COG5: variants seen among roughly 807,000 people sequenced by gnomAD.
COG5 encodes component of oligomeric golgi complex 5.
In COG5, 86 loss-of-function variants were observed where a neutral mutation model predicts 110.4. The observed-to-expected ratio is 0.78, with a 90% confidence interval of 0.65 to 0.93. The LOEUF is 0.93. COG5 is among the 40% of genes least tolerant of loss of function. COG5 has a pLI of 0.00. For synonymous variants in COG5, 360 were observed against 334.6 expected, an observed-to-expected ratio of 1.08 and a Z score of -0.83; for missense variants, 1,077 against 987.0, an observed-to-expected ratio of 1.09 and a Z score of -1.22.
At chr7:107,527,087 G>A in intron 6 of COG5, 150 bp downstream of exon 6, 2 of 601,540 alleles carry the variant, frequency 3.3e-6, no homozygotes, top group East Asian at 3.0e-5. Context: ...TACTCATTCT[G>A]AGAAGTGTTA....
At chr7:107,557,861 T>C (rs936340984) in intron 2 of COG5, 115 bp downstream of exon 2, 60 of 1,316,110 alleles carry the variant, frequency 4.6e-5, no homozygotes, top group Middle Eastern at 2.2e-4. Flanking sequence ...TAAGTCACAC[T>C]GGTAAGTATG....
intron 10 of COG5, among the ~76,000 whole-genome samples, chr7:107,360,178 A>C (rs1812987677): frequency 6.6e-6 from 1 of 152,214 alleles, no homozygotes; most frequent in South Asian, 2.1e-4. Context: ...AGGGCTGCAC[A>C]GACATCAGGA....
chr7:107,409,188 G>A (rs1584785356), intron 7 of COG5, among the ~76,000 whole-genome samples: 1 of 106,882 alleles, frequency 9.4e-6, no homozygotes, highest in Admixed American at 1.1e-4. Context: ...GAAGTAAGCA[G>A]AAATTGTTAC....
At chr7:107,460,429 C>G (rs1339081998) in intron 6 of COG5, among the ~76,000 whole-genome samples, 2 of 151,816 alleles carry the variant, frequency 1.3e-5, no homozygotes, top group African/African-American at 4.8e-5. Flanking sequence ...TGAAATAACC[C>G]AAGTAACAGC....
At chr7:107,246,897 C>A (rs946854322) in intron 17 of COG5, among the ~76,000 whole-genome samples, 4 of 152,140 alleles carry the variant, frequency 2.6e-5, no homozygotes, top group African/African-American at 9.7e-5. Flanking sequence ...ATAAATCATT[C>A]TACCATAAAA....
Position 107,236,555 on chromosome 7 carries a change from A to T in COG5, c.1986T>A (p.Thr662=). Residue 662 remains threonine (T), a synonymous_variant, in exon 18 of 22, where the codon ACT becomes ACA. Transcript: ENST00000297135. ...CAACAGCTCTTTGGGCAATAGCCTC[A>T]GTGTTGTCAAAGACAAAATCCAAGC... ...FECLDFVFDN[T]EAIAQRAVEL... 6.2e-7 allele frequency: 1 copy of T among 1,614,162 alleles called. No homozygotes were observed. Among genetic ancestry groups the T allele is most frequent in the Non-Finnish European group, 8.5e-7 (1 of 1,179,994 alleles).
chr7:107,436,770 T>G (rs2129083617), intron 6 of COG5, among the ~76,000 whole-genome samples: 1 of 152,322 alleles, frequency 6.6e-6, no homozygotes, highest in South Asian at 2.1e-4. Flanking sequence ...ATAAAAATTC[T>G]AAAGCAATAG....
intron 11 of COG5, among the ~76,000 whole-genome samples, chr7:107,320,267 T>A (rs1050186417): frequency 3.3e-5 from 5 of 152,202 alleles, no homozygotes; most frequent in African/African-American, 4.8e-5. Flanking sequence ...TTTTAAATAT[T>A]TTTAAAGTGT....
intron 7 of COG5, among the ~76,000 whole-genome samples, chr7:107,409,230 G>GAAAAAAAAAAAAAA (rs11366303): frequency 9.5e-6 from 1 of 104,992 alleles, no homozygotes; most frequent in East Asian, 2.7e-4. Context: ...CAACGTCAAG[G>GAAAAAAAAAAAAAA]AAAAAAAAAA....
chr7:107,364,811 C>G (rs1437511407), intron 8 of COG5, among the ~76,000 whole-genome samples: 3 of 152,006 alleles, frequency 2.0e-5, no homozygotes, highest in Non-Finnish European at 2.9e-5. Flanking sequence ...TAGTAGCAAG[C>G]AATAAAATAA....
chr7:107,279,314 T>C (rs546065636), intron 14 of COG5, among the ~76,000 whole-genome samples: 1 of 152,192 alleles, frequency 6.6e-6, no homozygotes, highest in Non-Finnish European at 1.5e-5. Context: ...CTTAATCTTG[T>C]GGACTGGAAG....
intron 11 of COG5, among the ~76,000 whole-genome samples, chr7:107,315,196 T>C (rs1024059010): frequency 3.3e-5 from 5 of 152,072 alleles, no homozygotes; most frequent in Non-Finnish European, 5.9e-5. Context: ...TCTCATATAG[T>C]TTGTTTTATC....
At chr7:107,430,844 A>G (rs957260212) in intron 6 of COG5, among the ~76,000 whole-genome samples, 1 of 152,184 alleles carries the variant, frequency 6.6e-6, no homozygotes, top group Non-Finnish European at 1.5e-5. Context: ...GTTATCCTGG[A>G]TAGGCCCTAA....
chr7:107,296,509 T>G (rs144845878), intron 12 of COG5, among the ~76,000 whole-genome samples: 63 of 152,060 alleles, frequency 4.1e-4, no homozygotes, highest in African/African-American at 1.5e-3. Flanking sequence ...AAAGAGTTAT[T>G]GAGAAGATAA....
chr7:107,338,744 A>T (rs895396467), intron 10 of COG5, among the ~76,000 whole-genome samples: 6 of 152,144 alleles, frequency 3.9e-5, no homozygotes, highest in Non-Finnish European at 5.9e-5. Flanking sequence ...TAATATCTAG[A>T]ATATATAGTA....
chr7:107,326,097 A>AT (rs1281802526), intron 10 of COG5, among the ~76,000 whole-genome samples: 1 of 152,228 alleles, frequency 6.6e-6, no homozygotes. Flanking sequence ...ATTAAACAAA[A>AT]TTTAACACCA....
intron 6 of COG5, among the ~76,000 whole-genome samples, chr7:107,489,081 T>C (rs1008699980): frequency 6.6e-6 from 1 of 152,088 alleles, no homozygotes; most frequent in Admixed American, 6.6e-5. Context: ...CTATGAAAAC[T>C]ATAGAGGTGA....
chr7:107,517,230 GAAGA>G (rs1269014946), intron 6 of COG5, among the ~76,000 whole-genome samples: 1 of 151,986 alleles, frequency 6.6e-6, no homozygotes, highest in Admixed American at 6.6e-5. Context: ...AGATCAAGTG[GAAGA>G]AAGGATATCA....
At chr7:107,362,218 T>C (rs1252783853) in intron 9 of COG5, 90 bp downstream of exon 9, 4 of 1,359,296 alleles carry the variant, frequency 2.9e-6, no homozygotes, top group Admixed American at 3.7e-5. Context: ...TGAATGCTCA[T>C]TGATTAAAAA....
Sources: gnomAD v4.1 joint callset for allele counts (sites outside exome capture counted in the v4.1 genomes callset) on GRCh38, gnomAD v4.1.1 for gene constraint, MANE v1.5 for transcripts, NCBI Gene and HGNC (gene_info 2026-07-23, HGNC 2026-07-21) for gene names.